The following PBX1 variants were observed in gnomAD, a reference collection of about 807,000 sequenced individuals.
PBX1 encodes pre-B-cell leukemia transcription factor 1.
In PBX1, 6 loss-of-function variants were observed where a neutral mutation model predicts 53.4. The observed-to-expected ratio is 0.11, with a 90% CI of 0.06 to 0.22. The LOEUF (loss-of-function observed/expected upper bound fraction) is 0.22. Ranked by LOEUF, PBX1 falls within the 10% of genes least tolerant of loss-of-function variation. The probability of loss-of-function intolerance (pLI) is 1.00; values close to 1 mark genes in which losing one functional copy is unlikely to be tolerated. For missense variants in PBX1, 251 were observed against 551.4 expected (o/e 0.46, Z 5.46); for synonymous variants, 204 against 212.3 (o/e 0.96, Z 0.34).
At chr1:164,733,991 C>T (rs1258383307) in intron 2 of PBX1, among the ~76,000 whole-genome samples, 1 of 152,104 alleles carries the variant, frequency 6.6e-6, no homozygotes, top group Non-Finnish European at 1.5e-5. Context: ...TGGGCTTTGG[C>T]GTATGCATGC....
At chr1:164,560,827 A>G (rs2101681395) in intron 1 of PBX1, among the ~76,000 whole-genome samples, 1 of 152,314 alleles carries the variant, frequency 6.6e-6, no homozygotes, top group East Asian at 1.9e-4. Context: ...ACAAAAATCA[A>G]GCATGCTCTT....
intron 2 of PBX1, among the ~76,000 whole-genome samples, chr1:164,701,320 A>G (rs537510113): frequency 6.6e-6 from 1 of 152,348 alleles, no homozygotes; most frequent in African/African-American, 2.4e-5. Flanking sequence ...ACCAATTGTT[A>G]TCTCAGATAT....
intron 2 of PBX1, among the ~76,000 whole-genome samples, chr1:164,586,050 T>C (rs1399639916): frequency 6.6e-6 from 1 of 152,214 alleles, no homozygotes; most frequent in Non-Finnish European, 1.5e-5. Context: ...AACCTGGCAG[T>C]ACAACTTTGA....
intron 2 of PBX1, among the ~76,000 whole-genome samples, chr1:164,621,454 G>A (rs113503006): frequency 6.6e-6 from 1 of 152,252 alleles, no homozygotes; most frequent in African/African-American, 2.4e-5. Flanking sequence ...AGGACTGCCT[G>A]GGGGGTGCTA....
intron 2 of PBX1, among the ~76,000 whole-genome samples, chr1:164,736,133 G>C (rs1227419195): frequency 6.6e-6 from 1 of 152,140 alleles, no homozygotes; most frequent in African/African-American, 2.4e-5. Context: ...GCCCCATCCA[G>C]CCTCTTCCCA....
chr1:164,796,080 C>T (rs566961474), intron 3 of PBX1, among the ~76,000 whole-genome samples: 35 of 150,958 alleles, frequency 2.3e-4, no homozygotes, highest in African/African-American at 6.1e-4. Context: ...TGCAGTGGCA[C>T]GATCTCGGCT....
Position 164,849,584 on chromosome 1 carries a change from C to T in PBX1, c.*2908C>T. The stretch of plus-strand genomic sequence containing the variant: ...TGTGGGAGTGCTCCATTTTCCCCGA[C>T]AGCGAATTTCCCCTGAGAAACGATA... On this transcript the variant is annotated 3_prime_UTR_variant, in exon 9 of 9. Coordinates refer to ENST00000420696, the MANE Select transcript of PBX1 (RefSeq NM_002585.4). The T allele has an allele frequency of 1.1e-6, 1 of 905,556 alleles. No individual in the cohort carries two copies. The highest frequency in any genetic ancestry group is 1.6e-6 in the Non-Finnish European group (1 of 623,114). 56.1% of individuals were successfully genotyped at this position (905,556 alleles called of 1,614,324 possible).
intron 2 of PBX1, among the ~76,000 whole-genome samples, chr1:164,627,766 A>T (rs1396659769): frequency 6.6e-6 from 1 of 152,208 alleles, no homozygotes; most frequent in African/African-American, 2.4e-5. Flanking sequence ...GTGGCTCAGT[A>T]GAAATAATAA....
chr1:164,804,596 A>G (rs1481213829), intron 4 of PBX1, among the ~76,000 whole-genome samples: 1 of 152,232 alleles, frequency 6.6e-6, no homozygotes, highest in Non-Finnish European at 1.5e-5. Context: ...ACTCTTGGAC[A>G]GCACTAGTCA....
intron 2 of PBX1, among the ~76,000 whole-genome samples, chr1:164,676,926 G>C (rs1158819905): frequency 1.3e-5 from 2 of 152,032 alleles, no homozygotes; most frequent in African/African-American, 4.8e-5. Flanking sequence ...TCTCAACACT[G>C]TCATACCCAG....
chr1:164,650,432 T>A (rs1212763187), intron 2 of PBX1, among the ~76,000 whole-genome samples: 1 of 152,072 alleles, frequency 6.6e-6, no homozygotes, highest in African/African-American at 2.4e-5. Flanking sequence ...TTTGACCATA[T>A]TGGCCAGGTT....
chr1:164,608,828 A>G (rs1470981835), intron 2 of PBX1, among the ~76,000 whole-genome samples: 1 of 152,098 alleles, frequency 6.6e-6, no homozygotes, highest in Non-Finnish European at 1.5e-5. Flanking sequence ...TGGATGGTAC[A>G]AGGTTGGTAG....
intron 2 of PBX1, among the ~76,000 whole-genome samples, chr1:164,778,425 C>T (rs1667771062): frequency 6.6e-6 from 1 of 152,150 alleles, no homozygotes; most frequent in Non-Finnish European, 1.5e-5. Flanking sequence ...AGGAGGATCA[C>T]TTGAGCTCAG....
At chr1:164,564,234 A>G (rs1653270299) in intron 2 of PBX1, among the ~76,000 whole-genome samples, 1 of 152,188 alleles carries the variant, frequency 6.6e-6, no homozygotes. Context: ...CTCGCTTTAG[A>G]GCAGTGCAAA....
At chr1:164,852,663 T>C (rs1029491775), downstream of PBX1, among the ~76,000 whole-genome samples, 1 of 152,240 alleles carries the variant, frequency 6.6e-6, no homozygotes, top group Non-Finnish European at 1.5e-5. Context: ...GTATTGAAAG[T>C]TGAGGTAATA....
intron 2 of PBX1, among the ~76,000 whole-genome samples, chr1:164,875,988 G>GTGTATA (rs776802784): frequency 8.8e-5 from 5 of 56,950 alleles, no homozygotes; most frequent in Non-Finnish European, 1.4e-4. Flanking sequence ...TGGTGTATGT[G>GTGTATA]TATATATATA....
At chr1:164,752,371 C>T (rs1666282807) in intron 2 of PBX1, among the ~76,000 whole-genome samples, 1 of 152,030 alleles carries the variant, frequency 6.6e-6, no homozygotes, top group African/African-American at 2.4e-5. Context: ...AGTCTGTGTG[C>T]ATAGGTGCCA....
chr1:164,865,016 C>A (rs1672183537), intron 2 of PBX1, among the ~76,000 whole-genome samples: 1 of 152,222 alleles, frequency 6.6e-6, no homozygotes, highest in East Asian at 1.9e-4. Flanking sequence ...ATGGCAGGGT[C>A]ACGACCCCAC....
chr1:164,691,751 A>G (rs1662502888), intron 2 of PBX1, among the ~76,000 whole-genome samples: 1 of 152,198 alleles, frequency 6.6e-6, no homozygotes, highest in South Asian at 2.1e-4. Context: ...AGCTCAAGTT[A>G]GCAGGCATAT....
Sources: gnomAD v4.1 joint callset for allele counts (sites outside exome capture counted in the v4.1 genomes callset) on GRCh38, gnomAD v4.1.1 for gene constraint, MANE v1.5 for transcripts, NCBI Gene and HGNC (gene_info 2026-07-23, HGNC 2026-07-21) for gene names.